FBXW11: variants seen among roughly 807,000 people sequenced by gnomAD.
FBXW11 encodes the protein F-box and WD repeat domain containing 11, also known as F-box/WD repeat-containing protein 11.
FBXW11 carries 19 observed loss-of-function variants against 77.6 expected under a neutral mutation model. The observed-to-expected ratio is 0.24, with a 90% CI of 0.17 to 0.36. The LOEUF (loss-of-function observed/expected upper bound fraction) is 0.36, where lower values mean the gene tolerates loss of function less well. Among genes scored for constraint, FBXW11 ranks in the 10% least tolerant of loss-of-function variants. The pLI is 1.00. For missense variants in FBXW11, 334 were observed against 704.2 expected (o/e 0.47, Z 5.95); for synonymous variants, 235 against 249.4 (o/e 0.94, Z 0.54).
intron 12 of FBXW11, 80 bp from the exon 13 acceptor site, chr5:171,868,876 T>C (rs1236881994): frequency 1.0e-5 from 14 of 1,363,834 alleles, no homozygotes; most frequent in Non-Finnish European, 1.3e-5. Flanking sequence ...GGGCAGAAGA[T>C]GAAAATGCAG....
At chr5:171,956,165 A>G (rs1763598695) in intron 2 of FBXW11, among the ~76,000 whole-genome samples, 2 of 152,250 alleles carry the variant, frequency 1.3e-5, no homozygotes, top group Admixed American at 1.3e-4. Context: ...AAATAGAGAC[A>G]AAAATACACC....
At chr5:171,983,322 A>G (rs1765252057) in intron 1 of FBXW11, among the ~76,000 whole-genome samples, 1 of 152,210 alleles carries the variant, frequency 6.6e-6, no homozygotes, top group African/African-American at 2.4e-5. Context: ...CTCTTCATCT[A>G]TATCCTTTGT....
In FBXW11 at chr5:171,861,727, T is replaced by G. The variant is rs1379283991; in HGVS notation, c.*2400A>C. ...GTTTTTTATTAAGCACATTCCACAGTACAAAGCTGTCATGAATAATATCTG... is the reference window on the plus strand; with the variant it reads ...GTTTTTTATTAAGCACATTCCACAGGACAAAGCTGTCATGAATAATATCTG... On this transcript the variant is annotated 3_prime_UTR_variant, in exon 14 of 14. Transcript: ENST00000517395. 1 of 152,686 alleles carries G rather than the reference T, an allele frequency of 6.5e-6. No individual in the cohort carries two copies. The highest frequency in any genetic ancestry group is 1.5e-5 in the Non-Finnish European group (1 of 68,044). 9.5% of individuals were successfully genotyped at this position (152,686 alleles called of 1,614,324 possible). A position where few individuals can be genotyped will look rare whatever the true frequency, so the allele number is the denominator to read the frequency against.
rs553203440 is a variant in FBXW11 at position 171,863,234 on chromosome 5, C to T, written c.*893G>A. The T allele has an allele frequency of 9.2e-5, 14 of 152,636 alleles. No homozygotes were observed. Among genetic ancestry groups the T allele is most frequent in the Non-Finnish European group, 1.8e-4 (12 of 68,036 alleles). The allele number at this position is 152,636 out of a possible 1,614,324, so 9.5% of individuals were successfully genotyped here. On this transcript the variant is annotated 3_prime_UTR_variant, in exon 14 of 14. Transcript: ENST00000517395. ...AGGGTTCTAGGTAATCCACATCAAC[C>T]CAGGTATCAGGTTCTTGAGCCCAGC...
At chr5:171,989,226 C>T (rs756092599) in intron 1 of FBXW11, among the ~76,000 whole-genome samples, 3 of 152,080 alleles carry the variant, frequency 2.0e-5, no homozygotes, top group Non-Finnish European at 4.4e-5. Flanking sequence ...TTGTAATAAC[C>T]GATTTCAGGA....
intron 1 of FBXW11, among the ~76,000 whole-genome samples, chr5:171,961,609 T>C (rs920717518): frequency 2.6e-5 from 4 of 152,030 alleles, no homozygotes; most frequent in Non-Finnish European, 5.9e-5. Context: ...TTCATCAACC[T>C]AAGAGCATTA....
chr5:171,992,897 C>A (rs1334966059), intron 1 of FBXW11, among the ~76,000 whole-genome samples: 1 of 151,854 alleles, frequency 6.6e-6, no homozygotes. Flanking sequence ...CACAAGGAAG[C>A]AAGGAAAATT....
Position 171,872,913 on chromosome 5 carries a change from C to T in FBXW11, c.1299G>A (p.Arg433=), listed in dbSNP as rs199652940. The T allele has an allele frequency of 3.7e-5, 59 of 1,614,120 alleles. No individual in the cohort carries two copies. In the East Asian group the frequency reaches 1.2e-3, roughly 32 times the overall value. ...ATGATCCACTAACAACCAGGCGATC[C>T]CTGTACTGGAGACAGGCAATGCCCC... ...HKRGIACLQY[R]DRLVVSGSSD... The change falls in exon 10 of 14, where the codon AGG becomes AGA. Residue 433 remains arginine, a synonymous_variant. Coordinates refer to ENST00000517395, the MANE Select transcript of FBXW11 (RefSeq NM_001378974.1).
intron 2 of FBXW11, among the ~76,000 whole-genome samples, chr5:171,925,084 C>T (rs887794761): frequency 4.7e-4 from 72 of 152,252 alleles, no homozygotes; most frequent in African/African-American, 1.4e-3. Context: ...AAGCCCAGGG[C>T]GGAGCGCGGC....
At chr5:171,994,236 A>G (rs141887842) in intron 1 of FBXW11, among the ~76,000 whole-genome samples, 63 of 152,330 alleles carry the variant, frequency 4.1e-4, no homozygotes, top group Non-Finnish European at 7.2e-4. Context: ...CTGAAGCCAG[A>G]CTGCCTGGGT....
rs1457190556 is a variant in FBXW11 at position 171,993,224 on chromosome 5, C to G, written c.45+13234G>C. Among the ~76,000 whole-genome samples the G allele has an allele frequency of 2.0e-5, 3 of 152,000 alleles. No individual in the cohort carries two copies. The South Asian group carries it at 6.2e-4, about 31-fold the overall frequency. ...AGTCTTCCTATATGAAGAGAATATT[C>G]CAGTCATTTGGCTTGAGTCTTCAGG... On this transcript the variant is annotated intron_variant, in intron 1 of 13. Transcript: ENST00000517395.
In FBXW11 at chr5:171,967,302, T is replaced by C. The variant is rs560513498; in HGVS notation, c.46-9604A>G. Among the ~76,000 whole-genome samples, 58 of 152,296 alleles carry C rather than the reference T, an allele frequency of 3.8e-4. 3 individuals are homozygous for C. In the South Asian group the frequency reaches 0.011, roughly 28 times the overall value. On this transcript the variant is annotated intron_variant, in intron 1 of 13. Transcript: ENST00000517395. ...AAGATGTCATTCACATCACTGTTCA[T>C]AATAGCAAAGGGAAAATGCTAACCA...
intron 2 of FBXW11, among the ~76,000 whole-genome samples, chr5:171,940,949 G>A (rs1762720988): frequency 6.6e-6 from 1 of 150,842 alleles, no homozygotes; most frequent in Admixed American, 6.6e-5. Flanking sequence ...TAAACACTCT[G>A]ACCATCGAAA....
Position 171,900,098 on chromosome 5 carries a change from G to C in FBXW11, c.439C>G (p.Gln147Glu). ...TTTTCTGCTATGTGATCTAAGCCTT[G>C]CTCTACAAAACAGAAAAGGGAATGA... The part of the protein sequence containing the change: ...QRDFITALPE[Q>E]GLDHIAENIL... Residue 147 changes from glutamine to glutamate, a missense_variant and splice_region_variant, in exon 5 of 14, where the codon CAA becomes GAA. Transcript: ENST00000517395. 1 of 1,601,592 alleles carries C rather than the reference G, an allele frequency of 6.2e-7. No homozygotes were observed. The highest frequency in any genetic ancestry group is 1.1e-5 in the South Asian group (1 of 88,448).
At chr5:172,002,529 G>A (rs1280286200) in intron 1 of FBXW11, among the ~76,000 whole-genome samples, 2 of 150,702 alleles carry the variant, frequency 1.3e-5, no homozygotes, top group African/African-American at 4.9e-5. Flanking sequence ...TGTGCTACAT[G>A]AGGAGAAAGG....
At position 171,876,155 on chromosome 5, in the gene FBXW11, C is replaced by A. The variant is rs1758066569; in HGVS notation, c.1221+130G>T. ...CTACAGATATACAGAGTGGGATGGC[C>A]TCAAGGGTTCATAAGCACAGAGGAG... On this transcript the variant is annotated intron_variant, in intron 9 of 13. Transcript: ENST00000517395. This position sits in a 1 kb window ranked among gnomAD's most constrained non-coding sequence, Gnocchi z 4.2. The A allele has an allele frequency of 8.8e-7, 1 of 1,137,900 alleles. No individual in the cohort carries two copies. Among genetic ancestry groups the A allele is most frequent in the East Asian group, 2.4e-5 (1 of 41,972 alleles). The allele number at this position is 1,137,900 out of a possible 1,614,324, so 70.5% of individuals were successfully genotyped here. A position where few individuals can be genotyped will look rare whatever the true frequency, so the allele number is the denominator to read the frequency against.
chr5:171,911,337 C>T (rs1221482346), intron 3 of FBXW11, among the ~76,000 whole-genome samples: 3 of 152,258 alleles, frequency 2.0e-5, no homozygotes, highest in South Asian at 2.1e-4. Flanking sequence ...CTAGAGGTTT[C>T]GGTTTTATTA....
chr5:171,988,957 T>A lies in FBXW11; in HGVS notation c.45+17501A>T, dbSNP rs201493363. 2.0e-5 allele frequency among the ~76,000 whole-genome samples: 3 copies of A among 151,314 alleles called. No homozygotes were observed. The South Asian group carries it at 6.3e-4, about 32-fold the overall frequency. ...TTTGGGAGGCCGAGGTGGGCGAATC[T>A]CCTGAGGTCAGGAGTTCAAGACCAG... is the stretch of plus-strand genomic sequence containing the variant. On this transcript the variant is annotated intron_variant, in intron 1 of 13. Transcript: ENST00000517395.
intron 1 of FBXW11, among the ~76,000 whole-genome samples, chr5:171,963,180 T>TAC (rs972127583): frequency 4.2e-5 from 2 of 48,014 alleles, no homozygotes; most frequent in African/African-American, 6.5e-5. Context: ...ATAATGTAAA[T>TAC]ACACATACAC....
Sources: gnomAD v4.1 joint callset for allele counts (sites outside exome capture counted in the v4.1 genomes callset) on GRCh38, gnomAD v4.1.1 for gene constraint, Gnocchi (gnomAD v3.1) non-coding constraint, MANE v1.5 for transcripts, NCBI Gene and HGNC (gene_info 2026-07-23, HGNC 2026-07-21) for gene names.